The following ANPEP variants were observed in gnomAD, a reference collection of about 807,000 sequenced individuals.
ANPEP encodes alanyl aminopeptidase, membrane.
Under a neutral mutation model 114.6 loss-of-function variants are expected in ANPEP, and 70 were observed. The ratio of observed to expected loss-of-function variants is 0.61; its 90% confidence interval spans 0.50 to 0.75. The LOEUF (loss-of-function observed/expected upper bound fraction) is 0.75, where lower values mean the gene tolerates loss of function less well. ANPEP is among the 30% of genes least tolerant of loss of function. The probability of loss-of-function intolerance (pLI) is 0.00; values close to 1 mark genes in which losing one functional copy is unlikely to be tolerated. For synonymous variants in ANPEP, 548 were observed against 522.3 expected (o/e 1.05, Z -0.67); for missense variants, 1,184 against 1,259.5 (o/e 0.94, Z 0.91).
intron 1 of ANPEP, among the ~76,000 whole-genome samples, chr15:89,813,921 G>A (rs1385904748): frequency 6.6e-6 from 1 of 152,056 alleles, no homozygotes; most frequent in East Asian, 1.9e-4. Context: ...TGAGGTGGGG[G>A]AGGAGTGGGG....
In ANPEP at chr15:89,805,483, A is replaced by G. The variant is rs754939641; in HGVS notation, c.615-20T>C. The G allele has an allele frequency of 6.2e-7, 1 of 1,613,404 alleles. No individual in the cohort carries two copies. On this transcript the variant is annotated intron_variant, in intron 2 of 20. Transcript: ENST00000300060. ...ACCACCCTGCCCCAACAGGAAGGTT[A>G]GAGGGTGTGCCAGAGCTGGGGGTGT...
rs1386946956 is a variant in ANPEP, at chr15:89,805,062, G to A, written c.897+16C>T. 6 of 1,614,104 alleles carry A rather than the reference G, an allele frequency of 3.7e-6. No individual in the cohort carries two copies. Among genetic ancestry groups the A allele is most frequent in the Non-Finnish European group, 5.1e-6 (6 of 1,179,924 alleles). On this transcript the variant is annotated intron_variant, in intron 4 of 20. Coordinates refer to ENST00000300060, the MANE Select transcript of ANPEP (RefSeq NM_001150.3). ...GGGCCAGCCCACGTGAAGGAGAGAT[G>A]GGCCCAGCCTCATACCAAGACACCA...
rs534106018 is a variant in ANPEP at position 89,793,171 on chromosome 15, C to A, written c.2158-45G>T. ...AATCTCATCAAAGACTCATGCCTGACCTGCCTGGAGCCCCACAGAGCCTCT... is the reference window on the plus strand; with the variant it reads ...AATCTCATCAAAGACTCATGCCTGAACTGCCTGGAGCCCCACAGAGCCTCT... On this transcript the variant is annotated intron_variant, in intron 15 of 20. Transcript: ENST00000300060. The A allele has an allele frequency of 9.7e-6, 15 of 1,547,044 alleles. No individual in the cohort carries two copies. In the Admixed American group the frequency reaches 2.2e-4, roughly 22 times the overall value.
chr15:89,809,530 C>A (rs1201754831), intron 1 of ANPEP, among the ~76,000 whole-genome samples: 2 of 152,176 alleles, frequency 1.3e-5, no homozygotes, highest in Non-Finnish European at 2.9e-5. Flanking sequence ...AGGCACCAGG[C>A]CAACCCAGGC....
At position 89,801,575 on chromosome 15, in the gene ANPEP, G is replaced by A; in HGVS notation, c.1602C>T (p.Thr534=). 2 of 1,614,096 alleles carry A rather than the reference G, an allele frequency of 1.2e-6. No individual in the cohort carries two copies. Among genetic ancestry groups the A allele is most frequent in the Non-Finnish European group, 1.7e-6 (2 of 1,179,944 alleles). ...AGCGGTTCATGATGTCCCGCACGGTGGTGGGGAGTTGGATGGACCGGTTGT... is the reference window on the plus strand; with the variant it reads ...AGCGGTTCATGATGTCCCGCACGGTAGTGGGGAGTTGGATGGACCGGTTGT... The part of the protein sequence containing the change: ...AVNNRSIQLP[T]TVRDIMNRWT... The change falls in exon 11 of 21, where the codon ACC becomes ACT. Residue 534 remains threonine (T), a synonymous_variant. Coordinates refer to ENST00000300060, the MANE Select transcript of ANPEP (RefSeq NM_001150.3).
intron 1 of ANPEP, among the ~76,000 whole-genome samples, chr15:89,811,437 C>A (rs924878785): frequency 6.6e-6 from 1 of 151,810 alleles, no homozygotes; most frequent in East Asian, 1.9e-4. Flanking sequence ...ACGAGGTCAG[C>A]AGATCGAGAC....
At chr15:89,787,456 T>C (rs1403832420) in intron 20 of ANPEP, among the ~76,000 whole-genome samples, 1 of 152,126 alleles carries the variant, frequency 6.6e-6, no homozygotes, top group African/African-American at 2.4e-5. Flanking sequence ...AATACTTTCT[T>C]AGATATGATA....
At chr15:89,811,264 A>G (rs541211484) in intron 1 of ANPEP, among the ~76,000 whole-genome samples, 3 of 152,312 alleles carry the variant, frequency 2.0e-5, no homozygotes, top group African/African-American at 7.2e-5. Context: ...TTTTCTTTAA[A>G]TCAATTCACT....
At chr15:89,801,677 G>A (rs372279870) in intron 10 of ANPEP, 70 bp from the exon 11 acceptor site, 2 of 1,553,618 alleles carry the variant, frequency 1.3e-6, no homozygotes, top group Non-Finnish European at 1.8e-6. Context: ...GGCATCTCCT[G>A]CAGATTCTCG....
rs776452402 is a variant in ANPEP at position 89,804,364 on chromosome 15, G to T, written c.1068C>A (p.Asn356Lys). Residue 356 changes from asparagine to lysine, a missense_variant, in exon 6 of 21, where the codon AAC becomes AAA. Physicochemically the swap from Asn to Lys is moderately conservative, Grantham distance 94. Coordinates refer to ENST00000300060, the MANE Select transcript of ANPEP (RefSeq NM_001150.3). ...TCTCCCGGTAGGTCACCAGTCCCCA[G>T]TTCTCCATGGCGCCGGCGTTGAAGT... is the stretch of plus-strand genomic sequence containing the variant. Reference protein sequence around the residue: ...LPDFNAGAMENWGLVTYRENS... With the variant: ...LPDFNAGAMEKWGLVTYRENS... 1 of 1,614,132 alleles carries T rather than the reference G, an allele frequency of 6.2e-7. No homozygotes were observed. The highest frequency in any genetic ancestry group is 8.5e-7 in the Non-Finnish European group (1 of 1,180,054).
chr15:89,796,388 A>T (rs540090365), intron 15 of ANPEP, among the ~76,000 whole-genome samples: 2 of 152,394 alleles, frequency 1.3e-5, no homozygotes, highest in African/African-American at 4.8e-5. Context: ...TAACTACATT[A>T]GGAGGATGGG....
Position 89,809,277 on chromosome 15 carries a change from G to A in ANPEP, c.-223-2471C>T, listed in dbSNP as rs570787372. Among the ~76,000 whole-genome samples the A allele has an allele frequency of 8.5e-5, 13 of 152,318 alleles. No homozygotes were observed. The East Asian group carries it at 9.6e-4, about 11-fold the overall frequency. ...AAAAGCCTTTTGATATGTCCCTGAC[G>A]GAGCCTGCAGCCCCCTCCCACCTTT... is the stretch of plus-strand genomic sequence containing the variant. On this transcript the variant is annotated intron_variant, in intron 1 of 20. Transcript: ENST00000300060.
At position 89,804,576 on chromosome 15, in the gene ANPEP, G is replaced by A. The variant is rs200875438; in HGVS notation, c.939C>T (p.His313=). The A allele has an allele frequency of 2.8e-4, 455 of 1,614,068 alleles. 1 individual carries two copies. Among genetic ancestry groups the A allele is most frequent in the Admixed American group, 1.4e-3 (84 of 60,018 alleles). ...CCGTCACGTTCAGGGCATAATCGCC[G>A]TGGCCCGCCGCAATGGCACTGGGCC... ...WARPSAIAAG[H]GDYALNVTGP... is the part of the protein sequence containing the mutation. Residue 313 remains histidine (H), a synonymous_variant, in exon 5 of 21, where the codon CAC becomes CAT. Transcript: ENST00000300060.
At position 89,806,791 on chromosome 15, in the gene ANPEP, T is replaced by G. The variant is rs1321856850; in HGVS notation, c.-208A>C. ...GAGATCCAGGAACGGTGTGTGGAGC[T>G]GGGCTCGGGGGGTGCCTGCTGGAAG... On this transcript the variant is annotated 5_prime_UTR_variant, in exon 2 of 21. Transcript: ENST00000300060. This position sits in a 1 kb window ranked among gnomAD's most constrained non-coding sequence, Gnocchi z 5.7. 1 of 768,078 alleles carries G rather than the reference T, an allele frequency of 1.3e-6. No individual in the cohort carries two copies. Among genetic ancestry groups the G allele is most frequent in the South Asian group, 2.3e-5 (1 of 43,432 alleles). 47.6% of individuals were successfully genotyped at this position (768,078 alleles called of 1,614,324 possible).
Position 89,806,570 on chromosome 15 carries a change from A to G in ANPEP, c.14T>C (p.Phe5Ser), listed in dbSNP as rs1218986909. Residue 5 changes from phenylalanine to serine, a missense_variant, in exon 2 of 21, where the codon TTC (phenylalanine) becomes TCC (serine). Coordinates refer to ENST00000300060, the MANE Select transcript of ANPEP (RefSeq NM_001150.3). The surrounding 1 kb of genome is among the most constrained non-coding windows in gnomAD (Gnocchi z 5.7). ...GATGCCCAGGGACTTGGAAATATAG[A>G]AGCCCTTGGCCATGGTGATGGTGGG... Reference protein sequence around the residue: MAKGFYISKSLGILG... With the variant: MAKGSYISKSLGILG... 6.2e-7 allele frequency: 1 copy of G among 1,603,908 alleles called. No homozygotes were observed. The highest frequency in any genetic ancestry group is 8.5e-7 in the Non-Finnish European group (1 of 1,173,642).
At position 89,785,310 on chromosome 15, in the gene ANPEP, C is replaced by A; in HGVS notation, c.*39G>T. 1 of 1,612,080 alleles carries A rather than the reference C, an allele frequency of 6.2e-7. No individual in the cohort carries two copies. The highest frequency in any genetic ancestry group is 8.5e-7 in the Non-Finnish European group (1 of 1,179,090). ...AGCCGCTGGGATGGACACATGTGGG[C>A]ACCTTGCATGGGGGCCGGGTGACTT... On this transcript the variant is annotated 3_prime_UTR_variant, in exon 21 of 21. Coordinates refer to ENST00000300060, the MANE Select transcript of ANPEP (RefSeq NM_001150.3).
chr15:89,793,283 C>G, intron 15 of ANPEP, 157 bp from the exon 16 acceptor site: 1 of 591,940 alleles, frequency 1.7e-6, no homozygotes, highest in Non-Finnish European at 3.0e-6. Flanking sequence ...CCATAGAAGT[C>G]TAGAGTTCAA....
intron 15 of ANPEP, among the ~76,000 whole-genome samples, chr15:89,796,689 G>A (rs578134003): frequency 5.9e-5 from 9 of 151,594 alleles, no homozygotes; most frequent in Non-Finnish European, 1.2e-4. Context: ...TAGAGACGAG[G>A]TTTCACCGTG....
chr15:89,787,976 AAAG>A, intron 20 of ANPEP, among the ~76,000 whole-genome samples: 1 of 152,330 alleles, frequency 6.6e-6, no homozygotes, highest in Admixed American at 6.5e-5. Context: ...AAAAAGAGGG[AAAG>A]AGAGATAAGT....
Sources: gnomAD v4.1 joint callset for allele counts (sites outside exome capture counted in the v4.1 genomes callset) on GRCh38, gnomAD v4.1.1 for gene constraint, Gnocchi (gnomAD v3.1) non-coding constraint, MANE v1.5 for transcripts, NCBI Gene and HGNC (gene_info 2026-07-23, HGNC 2026-07-21) for gene names.